Variants in NUDT5 observed in about 807,000 individuals in gnomAD.
NUDT5 encodes the protein nudix hydrolase 5, also known as ADP-sugar pyrophosphatase.
In NUDT5, 21 loss-of-function variants were observed where a neutral mutation model predicts 34.1. The ratio of observed to expected loss-of-function variants is 0.62; its 90% confidence interval spans 0.44 to 0.89. The LOEUF (loss-of-function observed/expected upper bound fraction) is 0.89. Ranked by LOEUF, NUDT5 falls within the 40% of genes least tolerant of loss-of-function variation. The pLI, the probability that NUDT5 is intolerant of heterozygous loss-of-function variation, is 0.00. For synonymous variants in NUDT5, 85 were observed against 97.6 expected (o/e 0.87, Z 0.76); for missense variants, 249 against 274.8 (o/e 0.91, Z 0.66).
chr10:12,170,120 G>C lies in NUDT5; in HGVS notation c.550+597C>G. The stretch of plus-strand genomic sequence containing the variant: ...ATCTCCTCTCGTGGTTTTATCAAAG[G>C]ACTTTTCTCCCCATAAGCTTACTGT... On this transcript the variant is annotated intron_variant, in intron 9 of 9. Transcript: ENST00000491614. This position sits in a 1 kb window ranked among gnomAD's most constrained non-coding sequence, Gnocchi z 4.9. The C allele has an allele frequency of 6.2e-7, 1 of 1,612,398 alleles. No homozygotes were observed. Among genetic ancestry groups the C allele is most frequent in the Non-Finnish European group, 8.5e-7 (1 of 1,179,576 alleles).
chr10:12,177,475 T>A (rs567207328), intron 5 of NUDT5, among the ~76,000 whole-genome samples: 1 of 150,372 alleles, frequency 6.7e-6, no homozygotes, highest in Non-Finnish European at 1.5e-5. Context: ...GCCGAGATCG[T>A]GCCACTGCAC....
intron 1 of NUDT5, among the ~76,000 whole-genome samples, chr10:12,194,859 G>T (rs10906095): frequency 6.7e-6 from 1 of 150,212 alleles, no homozygotes; most frequent in East Asian, 2.0e-4. Context: ...ACGACTAGGG[G>T]TTAAAAGCGG....
At position 12,170,200 on chromosome 10, in the gene NUDT5, C is replaced by T; in HGVS notation, c.550+517G>A. The T allele has an allele frequency of 6.2e-7, 1 of 1,611,634 alleles. No homozygotes were observed. The highest frequency in any genetic ancestry group is 8.5e-7 in the Non-Finnish European group (1 of 1,178,806). ...AGAATTATACAATGCATCTACATGA[C>T]CAGTGATTTCTAAGGGCCACACAGC... On this transcript the variant is annotated intron_variant, in intron 9 of 9. Coordinates refer to ENST00000491614, the MANE Select transcript of NUDT5 (RefSeq NM_014142.4). This position sits in a 1 kb window ranked among gnomAD's most constrained non-coding sequence, Gnocchi z 4.9.
rs1364704767 is a variant in NUDT5, at chr10:12,169,220, T to C, written c.551-1409A>G. ...TAGCCATAGTAGCCCTCTCTCCACC[T>C]CCCCTCACTTATTCTATTTTTTTCT... On this transcript the variant is annotated intron_variant, in intron 9 of 9. Transcript: ENST00000491614. The surrounding 1 kb of genome is among the most constrained non-coding windows in gnomAD (Gnocchi z 4.8). The C allele has an allele frequency of 7.2e-7, 1 of 1,396,324 alleles. No individual in the cohort carries two copies. Among genetic ancestry groups the C allele is most frequent in the Admixed American group, 2.0e-5 (1 of 49,888 alleles). The allele number at this position is 1,396,324 out of a possible 1,614,324, so 86.5% of individuals were successfully genotyped here.
At chr10:12,194,436 T>G (rs1295798987) in intron 1 of NUDT5, among the ~76,000 whole-genome samples, 1 of 152,236 alleles carries the variant, frequency 6.6e-6, no homozygotes, top group East Asian at 1.9e-4. Flanking sequence ...CAATATTGCT[T>G]CTTTCCCTCA....
rs1245647142 is a variant in NUDT5, at chr10:12,171,680, A to AGATTT, written c.488-777_488-773dup. ...ATGTATATGTGCAGTTCAAAAATTAAGATTTATTTTATTTATTTATTTATT... is the reference window on the plus strand; with the variant it reads ...ATGTATATGTGCAGTTCAAAAATTAAGATTTGATTTATTTTATTTATTTATTTATT... On this transcript the variant is annotated intron_variant, in intron 7 of 9. Transcript: ENST00000491614. This position sits in a 1 kb window ranked among gnomAD's most constrained non-coding sequence, Gnocchi z 4.2. Among the ~76,000 whole-genome samples the AGATTT allele has an allele frequency of 6.7e-6, 1 of 148,850 alleles. No individual in the cohort carries two copies. The highest frequency in any genetic ancestry group is 1.5e-5 in the Non-Finnish European group (1 of 67,252).
In NUDT5 at chr10:12,170,131, C is replaced by T; in HGVS notation, c.550+586G>A. On this transcript the variant is annotated intron_variant, in intron 9 of 9. Transcript: ENST00000491614. The surrounding 1 kb of genome is among the most constrained non-coding windows in gnomAD (Gnocchi z 4.9). ...TGGTTTTATCAAAGGACTTTTCTCC[C>T]CATAAGCTTACTGTTTACAAAGTCT... The T allele has an allele frequency of 6.2e-7, 1 of 1,612,504 alleles. No individual in the cohort carries two copies. Among genetic ancestry groups the T allele is most frequent in the Non-Finnish European group, 8.5e-7 (1 of 1,179,628 alleles).
Position 12,169,486 on chromosome 10 carries a change from TCAAAC to T in NUDT5, c.550+1226_550+1230del. On this transcript the variant is annotated intron_variant, in intron 9 of 9. Transcript: ENST00000491614. This position sits in a 1 kb window ranked among gnomAD's most constrained non-coding sequence, Gnocchi z 4.8. ...ATAGCTAATTATGGTCCGCGGAGCC[TCAAAC>T]CGAGTCGGGCCTGTGACTCCGAGCT... is the stretch of plus-strand genomic sequence containing the variant. The T allele has an allele frequency of 5.3e-6, 3 of 563,134 alleles. No homozygotes were observed. The South Asian group carries it at 7.4e-5, about 14-fold the overall frequency. The allele number at this position is 563,134 out of a possible 1,614,324, so 34.9% of individuals were successfully genotyped here.
chr10:12,179,045 T>C (rs747871242), intron 4 of NUDT5, 38 bp downstream of exon 4: 3 of 1,578,482 alleles, frequency 1.9e-6, no homozygotes, highest in Non-Finnish European at 2.6e-6. Flanking sequence ...AAGTGCTAAC[T>C]TCCTTTCTAA....
At chr10:12,186,077 C>T (rs1835122589) in intron 2 of NUDT5, 152 bp downstream of exon 2, 1 of 637,822 alleles carries the variant, frequency 1.6e-6, no homozygotes, top group Non-Finnish European at 2.8e-6. Flanking sequence ...CACACAAGAG[C>T]AAAATGTGCC....
chr10:12,169,715 A>G lies in NUDT5; in HGVS notation c.550+1002T>C. On this transcript the variant is annotated intron_variant, in intron 9 of 9. Transcript: ENST00000491614. This position sits in a 1 kb window ranked among gnomAD's most constrained non-coding sequence, Gnocchi z 4.8. ...ATCTGATTTTATCCAAAGAAATCAC[A>G]GCAGCCTTTGAAAGACACATTCAGA... 4.4e-6 allele frequency: 1 copy of G among 226,574 alleles called. No homozygotes were observed. Among genetic ancestry groups the G allele is most frequent in the Non-Finnish European group, 8.6e-6 (1 of 116,828 alleles). The allele number at this position is 226,574 out of a possible 1,614,324, so 14.0% of individuals were successfully genotyped here. A position where few individuals can be genotyped will look rare whatever the true frequency, so the allele number is the denominator to read the frequency against.
chr10:12,167,379 T>G lies in NUDT5; in HGVS notation c.*323A>C. 1 of 234,278 alleles carries G rather than the reference T, an allele frequency of 4.3e-6. No homozygotes were observed. The highest frequency in any genetic ancestry group is 8.4e-6 in the Non-Finnish European group (1 of 118,402). The allele number at this position is 234,278 out of a possible 1,614,324, so 14.5% of individuals were successfully genotyped here. The stretch of plus-strand genomic sequence containing the variant: ...ACCTAATTGAGAACTCAGGTCTATT[T>G]CTCTATACAAATACCCCTGTCTACC... On this transcript the variant is annotated 3_prime_UTR_variant, in exon 10 of 10. Coordinates refer to ENST00000491614, the MANE Select transcript of NUDT5 (RefSeq NM_014142.4).
intron 3 of NUDT5, among the ~76,000 whole-genome samples, chr10:12,180,159 A>G (rs1835021543): frequency 6.6e-6 from 1 of 152,232 alleles, no homozygotes. Flanking sequence ...TTTCATTAAA[A>G]TTGTTCAAAT....
Position 12,170,222 on chromosome 10 carries a change from C to A in NUDT5, c.550+495G>T. The A allele has an allele frequency of 6.2e-7, 1 of 1,607,828 alleles. No homozygotes were observed. Among genetic ancestry groups the A allele is most frequent in the South Asian group, 1.1e-5 (1 of 90,942 alleles). ...TGACCAGTGATTTCTAAGGGCCACA[C>A]AGCTGGTTTGGTTTATTATGTGAAA... On this transcript the variant is annotated intron_variant, in intron 9 of 9. Transcript: ENST00000491614. The surrounding 1 kb of genome is among the most constrained non-coding windows in gnomAD (Gnocchi z 4.9).
chr10:12,185,207 C>G (rs1370515432), intron 2 of NUDT5, among the ~76,000 whole-genome samples: 1 of 151,854 alleles, frequency 6.6e-6, no homozygotes, highest in Non-Finnish European at 1.5e-5. Context: ...AAATGACAGT[C>G]TAAAAACTCC....
chr10:12,192,952 T>C (rs974436873), intron 1 of NUDT5, among the ~76,000 whole-genome samples: 36 of 152,050 alleles, frequency 2.4e-4, no homozygotes, highest in Non-Finnish European at 5.1e-4. Flanking sequence ...GGGTTTTTTT[T>C]TCATTCTCTT....
chr10:12,170,725 C>T lies in NUDT5; in HGVS notation c.542G>A (p.Arg181Lys). 6.2e-7 allele frequency: 1 copy of T among 1,613,792 alleles called. No homozygotes were observed. Among genetic ancestry groups the T allele is most frequent in the Non-Finnish European group, 8.5e-7 (1 of 1,180,018 alleles). Reference sequence around the variant, plus strand: ...GTCTGGAGAATGCTTACCATCAAGTCTCTGCAGCAGGTCATTCTTGGGTAA... The same window carrying T: ...GTCTGGAGAATGCTTACCATCAAGTTTCTGCAGCAGGTCATTCTTGGGTAA... ...ISLPKNDLLQ[R>K]LDALVAEEHL... Residue 181 changes from arginine (R) to lysine (K), a missense_variant, in exon 9 of 10, where the codon AGA (arginine) becomes AAA (lysine). Transcript: ENST00000491614. The surrounding 1 kb of genome is among the most constrained non-coding windows in gnomAD (Gnocchi z 4.9).
intron 1 of NUDT5, among the ~76,000 whole-genome samples, chr10:12,189,933 G>A (rs1334025941): frequency 2.1e-5 from 3 of 146,106 alleles, no homozygotes; most frequent in African/African-American, 5.1e-5. Flanking sequence ...TTGCCTTGTC[G>A]CCCAGGCTGG....
Position 12,166,898 on chromosome 10 carries a change from A to C in NUDT5, c.*804T>G, listed in dbSNP as rs1476745535. ...AACTACTCTGTATTGGGTTTCAGGT[A>C]CTGGCTGATCTTGCTGGTTCTGTTC... On this transcript the variant is annotated 3_prime_UTR_variant, in exon 10 of 10. Transcript: ENST00000491614. 1 of 332,850 alleles carries C rather than the reference A, an allele frequency of 3.0e-6. No individual in the cohort carries two copies. Among genetic ancestry groups the C allele is most frequent in the African/African-American group, 2.2e-5 (1 of 45,852 alleles). The allele number at this position is 332,850 out of a possible 1,614,324, so 20.6% of individuals were successfully genotyped here.
Sources: allele counts gnomAD v4.1 joint callset (sites outside exome capture counted in the v4.1 genomes callset), GRCh38; gene constraint gnomAD v4.1.1; non-coding constraint Gnocchi (gnomAD v3.1); transcripts MANE v1.5; gene names NCBI Gene and HGNC (gene_info 2026-07-23, HGNC 2026-07-21).